Variants in LMO7 observed in about 807,000 individuals in gnomAD.
The protein encoded by LMO7 is LIM domain only protein 7.
Under a neutral mutation model 206.5 loss-of-function variants are expected in LMO7, and 120 were observed. The ratio of observed to expected loss-of-function variants is 0.58; its 90% CI spans 0.50 to 0.68. The LOEUF is 0.68. Ranked by LOEUF, LMO7 falls within the 30% of genes least tolerant of loss-of-function variation. The pLI, the probability that LMO7 is intolerant of heterozygous loss-of-function variation, is 0.00. For synonymous variants in LMO7, 706 were observed against 681.5 expected (o/e 1.04, Z -0.56); for missense variants, 1,959 against 1,957.9 (o/e 1.00, Z -0.01).
At chr13:75,781,893 T>C (rs1380517598) in intron 4 of LMO7, among the ~76,000 whole-genome samples, 1 of 152,234 alleles carries the variant, frequency 6.6e-6, no homozygotes, top group Non-Finnish European at 1.5e-5. Flanking sequence ...ATGAGCATTT[T>C]TTCATGTGTT....
At position 75,833,117 on chromosome 13, in the gene LMO7, A is replaced by G. The variant is rs1438710787; in HGVS notation, c.3016A>G (p.Thr1006Ala). 2.5e-6 allele frequency: 4 copies of G among 1,611,038 alleles called. No homozygotes were observed. Among genetic ancestry groups the G allele is most frequent in the Non-Finnish European group, 3.4e-6 (4 of 1,177,422 alleles). Residue 1006 changes from threonine to alanine, a missense_variant, in exon 16 of 31, where the codon ACA (threonine) becomes GCA (alanine). Thr to Ala is a moderately conservative substitution (Grantham distance 58, BLOSUM62 0). Transcript: ENST00000377534. ...TPGKSLDFGF[T>A]IKWDIPGIFV... ...TGGGAAGAGTCTTGACTTTGGGTTTACAATAAAATGGGATATTCCTGGGAT... is the reference window on the plus strand; with the variant it reads ...TGGGAAGAGTCTTGACTTTGGGTTTGCAATAAAATGGGATATTCCTGGGAT...
intron 3 of LMO7, among the ~76,000 whole-genome samples, chr13:75,745,363 A>G (rs1484968910): frequency 1.3e-4 from 20 of 152,206 alleles, no homozygotes; most frequent in Admixed American, 1.3e-3. Context: ...TTGTGACTAT[A>G]CTAAAAATGT....
intron 4 of LMO7, among the ~76,000 whole-genome samples, chr13:75,771,821 C>G (rs2049785050): frequency 6.6e-6 from 1 of 151,806 alleles, no homozygotes; most frequent in Non-Finnish European, 1.5e-5. Context: ...AAGTTCTATT[C>G]CAGAGACCAA....
intron 3 of LMO7, among the ~76,000 whole-genome samples, chr13:75,727,557 T>C (rs961310187): frequency 1.2e-4 from 18 of 152,238 alleles, no homozygotes; most frequent in African/African-American, 4.3e-4. Flanking sequence ...ACATATAATA[T>C]GTACTTATGT....
intron 3 of LMO7, among the ~76,000 whole-genome samples, chr13:75,732,128 TCTCTGTGGCGTC>T (rs1425079346): frequency 1.3e-5 from 2 of 152,132 alleles, no homozygotes; most frequent in African/African-American, 4.8e-5. Context: ...TCGAGGAGTA[TCTCTGTGGCGTC>T]CTCTGTATTT....
intron 25 of LMO7, among the ~76,000 whole-genome samples, chr13:75,844,189 G>A (rs2059783851): frequency 6.6e-6 from 1 of 152,116 alleles, no homozygotes; most frequent in Non-Finnish European, 1.5e-5. Context: ...AGGCATCAAG[G>A]AGTGTGGCTA....
In LMO7 at chr13:75,711,324, A is replaced by G. The variant is rs544590805; in HGVS notation, c.70-1858A>G. Among the ~76,000 whole-genome samples the G allele has an allele frequency of 5.3e-3, 807 of 152,294 alleles. 6 individuals are homozygous for G. The highest frequency in any genetic ancestry group is 0.019 in the African/African-American group (777 of 41,552). ...TGATGCTGGCCTCATAAAATGAGTT[A>G]GGGAGGACTCCCTCTTTTTCTATTG... is the stretch of plus-strand genomic sequence containing the variant. On this transcript the variant is annotated intron_variant, in intron 1 of 30. Coordinates refer to ENST00000377534, the MANE Select transcript of LMO7 (RefSeq NM_001306080.2).
chr13:75,690,282 A>G (rs903555838), intron 1 of LMO7, among the ~76,000 whole-genome samples: 4 of 152,014 alleles, frequency 2.6e-5, no homozygotes, highest in Non-Finnish European at 5.9e-5. Flanking sequence ...TCTCTGGATG[A>G]TCACAGTGAT....
chr13:75,668,966 C>T (rs184021891), intron 1 of LMO7, among the ~76,000 whole-genome samples: 80 of 152,176 alleles, frequency 5.3e-4, no homozygotes, highest in Non-Finnish European at 8.1e-4. Context: ...GACTGCTAAG[C>T]GGGCAGATGA....
intron 14 of LMO7, among the ~76,000 whole-genome samples, chr13:75,822,912 G>C (rs1177734551): frequency 6.6e-6 from 1 of 150,886 alleles, no homozygotes; most frequent in African/African-American, 2.4e-5. Context: ...CAATTATAAA[G>C]AGTTATAGAT....
At chr13:75,724,063 C>A (rs1300807257) in intron 2 of LMO7, among the ~76,000 whole-genome samples, 5 of 152,204 alleles carry the variant, frequency 3.3e-5, no homozygotes, top group Non-Finnish European at 7.4e-5. Flanking sequence ...ATGACCTAAT[C>A]ACCTTCCAGG....
At chr13:75,749,263 C>T (rs879296845) in intron 3 of LMO7, among the ~76,000 whole-genome samples, 2 of 152,134 alleles carry the variant, frequency 1.3e-5, no homozygotes, top group Non-Finnish European at 2.9e-5. Context: ...TTGTTAAATA[C>T]GTGTTAGTGC....
intron 1 of LMO7, among the ~76,000 whole-genome samples, chr13:75,651,630 G>A (rs2037577380): frequency 6.6e-6 from 1 of 152,118 alleles, no homozygotes; most frequent in Admixed American, 6.5e-5. Context: ...TCCCAGCCTC[G>A]TTATTCAGTT....
intron 4 of LMO7, among the ~76,000 whole-genome samples, chr13:75,768,688 G>A (rs2139949767): frequency 6.6e-6 from 1 of 152,042 alleles, no homozygotes; most frequent in East Asian, 1.9e-4. Context: ...TGTGAAAAGT[G>A]TCATTTTGGT....
chr13:75,835,103 T>C (rs766324857), intron 17 of LMO7, 130 bp from the exon 18 acceptor site: 11 of 1,199,488 alleles, frequency 9.2e-6, no homozygotes, highest in Non-Finnish European at 1.2e-5. Context: ...CTTTATTCTT[T>C]CCACTTCAAC....
intron 1 of LMO7, among the ~76,000 whole-genome samples, chr13:75,642,033 C>G (rs971008838): frequency 2.0e-5 from 3 of 152,004 alleles, no homozygotes; most frequent in Admixed American, 1.3e-4. Flanking sequence ...AAGAAAGGAT[C>G]CTAGAAAAGA....
At chr13:75,761,805 A>G (rs1330466867) in intron 4 of LMO7, among the ~76,000 whole-genome samples, 3 of 152,140 alleles carry the variant, frequency 2.0e-5, no homozygotes, top group African/African-American at 4.8e-5. Flanking sequence ...TATAATAACT[A>G]TCTCTTTGTC....
Position 75,841,787 on chromosome 13 carries a change from C to T in LMO7, c.3835C>T (p.His1279Tyr), listed in dbSNP as rs868671045. ...GAGACAGCCACAAGAGGAAGTTGTT[C>T]ATGAGGACCAAGGAAAGAAGCCGCA... ...ERRQPQEEVV[H>Y]EDQGKKPQDQ... Residue 1279 changes from histidine (H) to tyrosine (Y), a missense_variant, in exon 24 of 31, where the codon CAT (histidine) becomes TAT (tyrosine). His to Tyr is a moderately conservative substitution (Grantham distance 83). Transcript: ENST00000377534. The T allele has an allele frequency of 3.1e-6, 5 of 1,613,976 alleles. No individual in the cohort carries two copies. Among genetic ancestry groups the T allele is most frequent in the Non-Finnish European group, 4.2e-6 (5 of 1,179,976 alleles).
chr13:75,684,795 A>G (rs759399891), intron 1 of LMO7, among the ~76,000 whole-genome samples: 3 of 150,910 alleles, frequency 2.0e-5, no homozygotes, highest in Non-Finnish European at 2.9e-5. Flanking sequence ...ATGTGTATAT[A>G]TGTGTGTGTG....
Sources: gnomAD v4.1 joint callset for allele counts (sites outside exome capture counted in the v4.1 genomes callset) on GRCh38, gnomAD v4.1.1 for gene constraint, MANE v1.5 for transcripts, NCBI Gene and HGNC (gene_info 2026-07-23, HGNC 2026-07-21) for gene names.